The following HELLS variants were observed in gnomAD, a reference collection of about 807,000 sequenced individuals.
HELLS encodes the protein lymphoid-specific helicase.
Under a neutral mutation model 120.0 loss-of-function variants are expected in HELLS, and 32 were observed. The ratio of observed to expected loss-of-function variants is 0.27; its 90% CI spans 0.20 to 0.36. HELLS has a LOEUF of 0.36. Among genes scored for constraint, HELLS ranks in the 10% least tolerant of loss-of-function variants. The pLI is 1.00. For synonymous variants in HELLS, 341 were observed against 323.4 expected, an observed-to-expected ratio of 1.05 and a Z score of -0.58; for missense variants, 650 against 993.4, an observed-to-expected ratio of 0.65 and a Z score of 4.65.
intron 17 of HELLS, 42 bp downstream of exon 17, chr10:94,592,556 A>G (rs1423666281): frequency 3.2e-6 from 4 of 1,246,640 alleles, no homozygotes; most frequent in South Asian, 5.4e-5. Flanking sequence ...ATTCTTTTAT[A>G]ATTCCTATCT....
In HELLS at chr10:94,592,382, T is replaced by C. The variant is rs557815904; in HGVS notation, c.1852-13T>C. ...ATCAATCATTAGAAATATTAAGATA[T>C]GTTTAATTTCAGGTGCTGCTTTTTT... On this transcript the variant is annotated splice_polypyrimidine_tract_variant and intron_variant, in intron 16 of 21. Transcript: ENST00000348459. 2.0e-5 allele frequency: 31 copies of C among 1,579,680 alleles called. No homozygotes were observed. In the African/African-American group the frequency reaches 3.4e-4, roughly 17 times the overall value.
chr10:94,555,336 CT>C (rs1012923165), intron 3 of HELLS, among the ~76,000 whole-genome samples: 23 of 152,254 alleles, frequency 1.5e-4, no homozygotes, highest in Admixed American at 1.3e-3. Context: ...ACTCAGAAGG[CT>C]GAGGCAGGAG....
intron 6 of HELLS, among the ~76,000 whole-genome samples, chr10:94,563,308 C>T (rs981853069): frequency 2.6e-5 from 4 of 152,068 alleles, no homozygotes; most frequent in African/African-American, 9.7e-5. Flanking sequence ...GTTGGCCAGG[C>T]TGGTCTTGAA....
intron 9 of HELLS, among the ~76,000 whole-genome samples, chr10:94,576,343 G>C (rs1844480091): frequency 6.6e-6 from 1 of 152,136 alleles, no homozygotes; most frequent in Non-Finnish European, 1.5e-5. Flanking sequence ...GTAGAGATGG[G>C]ATTTCTCCAT....
downstream of HELLS, among the ~76,000 whole-genome samples, chr10:94,603,491 T>C (rs1054892792): frequency 6.6e-6 from 1 of 152,236 alleles, no homozygotes; most frequent in South Asian, 2.1e-4. Context: ...CCTCTAAACA[T>C]TGAAATATCC....
At chr10:94,560,113 A>G (rs1843477565) in intron 4 of HELLS, among the ~76,000 whole-genome samples, 1 of 151,760 alleles carries the variant, frequency 6.6e-6, no homozygotes, top group Non-Finnish European at 1.5e-5. Context: ...GCTCACTGCA[A>G]CCTCTGTCTC....
chr10:94,579,379 T>A (rs1212776215), intron 10 of HELLS, among the ~76,000 whole-genome samples: 2 of 151,798 alleles, frequency 1.3e-5, no homozygotes, highest in Non-Finnish European at 2.9e-5. Flanking sequence ...TTTTTTGTAT[T>A]TCTAGTAGAG....
intron 3 of HELLS, 150 bp from the exon 4 acceptor site, chr10:94,557,989 A>T: frequency 1.0e-6 from 1 of 996,682 alleles, no homozygotes; most frequent in Non-Finnish European, 1.4e-6. Context: ...ATTAGTCCAT[A>T]AAGGCTTGAA....
rs145020994 is a variant in HELLS at position 94,590,461 on chromosome 10, A to G, written c.1537A>G (p.Arg513Gly). 598 of 1,611,718 alleles carry G rather than the reference A, an allele frequency of 3.7e-4. 1 individual carries two copies. Among genetic ancestry groups the G allele is most frequent in the Non-Finnish European group, 4.9e-4 (579 of 1,179,564 alleles). The change falls in exon 14 of 22, where the codon AGA (arginine) becomes GGA (glycine). Residue 513 changes from arginine (R) to glycine (G), a missense_variant. Coordinates refer to ENST00000348459, the MANE Select transcript of HELLS (RefSeq NM_018063.5). ...SPTGRPKRRT[R>G]KSINYSKIDD... ...TACTGGTCGACCAAAACGACGAACT[A>G]GAAAATCAATAAATTACAGCAAAAT...
At chr10:94,546,052 G>A in intron 1 of HELLS, 100 bp downstream of exon 1, 1 of 1,353,166 alleles carries the variant, frequency 7.4e-7, no homozygotes, top group Non-Finnish European at 1.0e-6. Context: ...AGCCGACCCC[G>A]GGCAGGGACT....
chr10:94,594,531 C>G lies in HELLS; in HGVS notation c.2089-164C>G, dbSNP rs564668258. The stretch of plus-strand genomic sequence containing the variant: ...CTTTTTTGTTAATATTGTCAAGGAT[C>G]TGTGGAATGATAATTTTGTCTATGA... On this transcript the variant is annotated intron_variant, in intron 18 of 21. Coordinates refer to ENST00000348459, the MANE Select transcript of HELLS (RefSeq NM_018063.5). 7.9e-5 allele frequency among the ~76,000 whole-genome samples: 12 copies of G among 152,194 alleles called. No individual in the cohort carries two copies. The East Asian group carries it at 2.3e-3, about 29-fold the overall frequency.
chr10:94,552,824 A>T (rs1843053205), intron 2 of HELLS, among the ~76,000 whole-genome samples: 1 of 151,938 alleles, frequency 6.6e-6, no homozygotes, highest in Admixed American at 6.6e-5. Context: ...AAAAAAATAC[A>T]AAAAATTAAC....
Position 94,576,733 on chromosome 10 carries a change from A to G in HELLS, c.960A>G (p.Lys320=), listed in dbSNP as rs1367097192. ...QKLVRNIYKR[K]GTLQIHPVVI... is the part of the protein sequence containing the mutation. ...TGGTAAGAAATATTTACAAACGGAA[A>G]GGGACTTTGCAGATTCATCCTGTGG... The change falls in exon 10 of 22, where the codon AAA becomes AAG. Residue 320 remains lysine, a synonymous_variant. Transcript: ENST00000348459. The G allele has an allele frequency of 5.6e-6, 9 of 1,612,026 alleles. No homozygotes were observed. The highest frequency in any genetic ancestry group is 7.6e-6 in the Non-Finnish European group (9 of 1,178,448).
At chr10:94,574,788 C>T (rs1179608994) in intron 9 of HELLS, 52 bp downstream of exon 9, 1 of 1,405,204 alleles carries the variant, frequency 7.1e-7, no homozygotes. Context: ...TTTTCTTATG[C>T]TTTGTTGTAG....
chr10:94,598,006 T>A (rs1274215630), intron 21 of HELLS, among the ~76,000 whole-genome samples: 1 of 134,900 alleles, frequency 7.4e-6, no homozygotes, highest in Non-Finnish European at 1.5e-5. Context: ...TATTGCTTCT[T>A]TTTTTTTTTT....
At position 94,566,051 on chromosome 10, in the gene HELLS, C is replaced by A. The variant is rs1358333649; in HGVS notation, c.435+3175C>A. ...GGGACTACATGCCTGTGCCACCAGG[C>A]CTGGCTGATTTTTGTATTTTTTGTA... On this transcript the variant is annotated intron_variant, in intron 6 of 21. Transcript: ENST00000348459. Among the ~76,000 whole-genome samples the A allele has an allele frequency of 2.0e-5, 3 of 152,054 alleles. No individual in the cohort carries two copies. The East Asian group carries it at 5.8e-4, about 29-fold the overall frequency.
In HELLS at chr10:94,545,868, C is replaced by G; in HGVS notation, c.-54C>G. Reference sequence around the variant, plus strand: ...GCAGCGGTTGTGAGGAGTTAGCTCGCGGCATTGCAGGCTCTGAGAGGAGGG... The same window carrying G: ...GCAGCGGTTGTGAGGAGTTAGCTCGGGGCATTGCAGGCTCTGAGAGGAGGG... On this transcript the variant is annotated 5_prime_UTR_variant, in exon 1 of 22. Coordinates refer to ENST00000348459, the MANE Select transcript of HELLS (RefSeq NM_018063.5). 3.9e-6 allele frequency: 6 copies of G among 1,542,808 alleles called. No homozygotes were observed. Among genetic ancestry groups the G allele is most frequent in the Non-Finnish European group, 5.3e-6 (6 of 1,138,820 alleles).
In HELLS at chr10:94,593,516, G is replaced by A. The variant is rs144657635; in HGVS notation, c.1989G>A (p.Thr663=). 342 of 1,611,808 alleles carry A rather than the reference G, an allele frequency of 2.1e-4. 3 individuals carry two copies. In the East Asian group the frequency reaches 6.4e-3, roughly 30 times the overall value. The part of the protein sequence containing the change: ...EREKNMHSFN[T]DPEVFIFLVS... ...GCTTTTAGATGCACAGCTTCAACAC[G>A]GATCCAGAGGTGTTTATCTTCTTAG... The change falls in exon 18 of 22, where the codon ACG becomes ACA. Residue 663 remains threonine, a synonymous_variant. Coordinates refer to ENST00000348459, the MANE Select transcript of HELLS (RefSeq NM_018063.5).
chr10:94,592,803 A>T (rs529470118), intron 17 of HELLS, among the ~76,000 whole-genome samples: 1 of 152,094 alleles, frequency 6.6e-6, no homozygotes, highest in East Asian at 1.9e-4. Context: ...CCTGTCCTCA[A>T]CTTTCTATTA....
Sources: gnomAD v4.1 joint callset for allele counts (sites outside exome capture counted in the v4.1 genomes callset) on GRCh38, gnomAD v4.1.1 for gene constraint, MANE v1.5 for transcripts, NCBI Gene and HGNC (gene_info 2026-07-23, HGNC 2026-07-21) for gene names.